SYT6: variants seen among roughly 807,000 people sequenced by gnomAD.
SYT6 encodes synaptotagmin-6.
Under a neutral mutation model 38.4 loss-of-function variants are expected in SYT6, and 24 were observed. That is an observed-to-expected ratio of 0.62 (90% CI 0.45 to 0.88). SYT6 has a LOEUF of 0.88. Ranked by LOEUF, SYT6 falls within the 40% of genes least tolerant of loss-of-function variation. SYT6 has a pLI of 0.00. For synonymous variants in SYT6, 265 were observed against 241.9 expected, an observed-to-expected ratio of 1.10 and a Z score of -0.89; for missense variants, 611 against 621.0, an observed-to-expected ratio of 0.98 and a Z score of 0.17.
intron 6 of SYT6, among the ~76,000 whole-genome samples, chr1:114,096,419 G>T (rs1675644742): frequency 6.6e-6 from 1 of 152,196 alleles, no homozygotes; most frequent in South Asian, 2.1e-4. Context: ...ATCTCTTGAT[G>T]CTGCCCCAAA....
intron 7 of SYT6, among the ~76,000 whole-genome samples, chr1:114,092,338 C>CTCTCTCTGTGTGTG (rs991723002): frequency 7.8e-6 from 1 of 128,488 alleles, no homozygotes; most frequent in Admixed American, 8.9e-5. Flanking sequence ...CTCTCTCTCT[C>CTCTCTCTGTGTGTG]TGTGTGTGTG....
At chr1:114,150,589 C>G (rs907828354) in intron 1 of SYT6, among the ~76,000 whole-genome samples, 2 of 152,190 alleles carry the variant, frequency 1.3e-5, no homozygotes, top group Non-Finnish European at 1.5e-5. Context: ...TGCTGGAGCA[C>G]TTCTGGACCT....
chr1:114,115,825 CAT>C (rs1269067115), intron 3 of SYT6, among the ~76,000 whole-genome samples: 2 of 152,098 alleles, frequency 1.3e-5, no homozygotes, highest in Admixed American at 6.5e-5. Flanking sequence ...CCTAGGGTCT[CAT>C]GTGCTAAGCT....
chr1:114,147,614 C>T (rs1219301628), intron 1 of SYT6, among the ~76,000 whole-genome samples: 1 of 152,204 alleles, frequency 6.6e-6, no homozygotes, highest in African/African-American at 2.4e-5. Context: ...CTCACAGGTG[C>T]TCAGACACAG....
chr1:114,098,663 T>C (rs367948151), intron 5 of SYT6, among the ~76,000 whole-genome samples: 2 of 152,272 alleles, frequency 1.3e-5, no homozygotes, highest in East Asian at 3.9e-4. Flanking sequence ...AGATGTGTCC[T>C]TAGTATGTTG....
At chr1:114,150,402 G>A (rs917049002) in intron 1 of SYT6, among the ~76,000 whole-genome samples, 14 of 152,152 alleles carry the variant, frequency 9.2e-5, no homozygotes, top group Admixed American at 4.6e-4. Flanking sequence ...GGTTCTAAAG[G>A]ATTGTGCATT....
At position 114,115,203 on chromosome 1, in the gene SYT6, T is replaced by C. The variant is rs1435890393; in HGVS notation, c.1072-11482A>G. On this transcript the variant is annotated intron_variant, in intron 3 of 7. Coordinates refer to ENST00000610222, the MANE Select transcript of SYT6 (RefSeq NM_001253772.2). Reference sequence around the variant, plus strand: ...ACCAGAAGGCAGGGCCAATAATCTATGTTTAACATGCCCCAGGGAAGTCTC... The same window carrying C: ...ACCAGAAGGCAGGGCCAATAATCTACGTTTAACATGCCCCAGGGAAGTCTC... Among the ~76,000 whole-genome samples, 12 of 152,342 alleles carry C rather than the reference T, an allele frequency of 7.9e-5. No individual in the cohort carries two copies. In the East Asian group the frequency reaches 2.1e-3, roughly 27 times the overall value.
Position 114,139,827 on chromosome 1 carries a change from A to G in SYT6, c.300T>C (p.Asn100=). The G allele has an allele frequency of 1.9e-6, 3 of 1,601,076 alleles. No individual in the cohort carries two copies. The highest frequency in any genetic ancestry group is 2.6e-6 in the Non-Finnish European group (3 of 1,173,090). The change falls in exon 2 of 8, where the codon AAT becomes AAC. Residue 100 remains asparagine, a synonymous_variant. Coordinates refer to ENST00000610222, the MANE Select transcript of SYT6 (RefSeq NM_001253772.2). ...NKEASSPSSA[N]PPLEALQSPS... Reference sequence around the variant, plus strand: ...GGCTCTGGAGGGCTTCCAAGGGGGGATTAGCAGAAGAGGGACTGGAGGCCT... The same window carrying G: ...GGCTCTGGAGGGCTTCCAAGGGGGGGTTAGCAGAAGAGGGACTGGAGGCCT...
intron 6 of SYT6, among the ~76,000 whole-genome samples, chr1:114,095,786 G>A (rs964752956): frequency 6.6e-6 from 1 of 151,966 alleles, no homozygotes; most frequent in Non-Finnish European, 1.5e-5. Context: ...TCAGCCTCCA[G>A]AGTAGCTGGG....
intron 3 of SYT6, 84 bp downstream of exon 3, chr1:114,137,411 C>T (rs1230608954): frequency 6.8e-7 from 1 of 1,480,114 alleles, no homozygotes; most frequent in Non-Finnish European, 9.1e-7. Context: ...CCATTTGTCT[C>T]TAGGAAGTGA....
At chr1:114,109,454 A>G (rs1301937265) in intron 3 of SYT6, among the ~76,000 whole-genome samples, 1 of 152,128 alleles carries the variant, frequency 6.6e-6, no homozygotes, top group African/African-American at 2.4e-5. Flanking sequence ...AAGCTTAAGT[A>G]CTCCTAAGAG....
chr1:114,131,868 G>A (rs564309179), intron 3 of SYT6, among the ~76,000 whole-genome samples: 2 of 152,334 alleles, frequency 1.3e-5, no homozygotes, highest in Non-Finnish European at 2.9e-5. Context: ...TTTGAGATGA[G>A]TGAGAGAACC....
intron 3 of SYT6, among the ~76,000 whole-genome samples, chr1:114,123,885 C>A (rs894303651): frequency 6.6e-6 from 1 of 152,238 alleles, no homozygotes; most frequent in Non-Finnish European, 1.5e-5. Context: ...TCCCTGGCAG[C>A]CCTCTGCCTG....
At chr1:114,104,640 C>T (rs1299762267) in intron 3 of SYT6, among the ~76,000 whole-genome samples, 2 of 151,472 alleles carry the variant, frequency 1.3e-5, no homozygotes, top group African/African-American at 4.9e-5. Context: ...AAGAGGTCAG[C>T]GTTTAGGGTG....
intron 4 of SYT6, among the ~76,000 whole-genome samples, chr1:114,100,770 C>T (rs1205911354): frequency 6.6e-6 from 1 of 152,192 alleles, no homozygotes; most frequent in Non-Finnish European, 1.5e-5. Context: ...GGACATTATT[C>T]AGGTTCAGGT....
At chr1:114,117,422 T>A (rs1184745592) in intron 3 of SYT6, among the ~76,000 whole-genome samples, 1 of 152,182 alleles carries the variant, frequency 6.6e-6, no homozygotes, top group East Asian at 1.9e-4. Context: ...GCCTGCCTGG[T>A]GGGCTGAGGG....
At chr1:114,123,162 G>A (rs1677525047) in intron 3 of SYT6, among the ~76,000 whole-genome samples, 1 of 152,226 alleles carries the variant, frequency 6.6e-6, no homozygotes, top group Admixed American at 6.5e-5. Flanking sequence ...CTCAGCTGGA[G>A]ATGGCTCTGA....
At chr1:114,111,209 A>G (rs1215657318) in intron 3 of SYT6, among the ~76,000 whole-genome samples, 2 of 152,194 alleles carry the variant, frequency 1.3e-5, no homozygotes, top group Non-Finnish European at 1.5e-5. Flanking sequence ...CACTCCAGCC[A>G]TAATAACCAT....
At chr1:114,101,216 A>T (rs905381075) in intron 4 of SYT6, among the ~76,000 whole-genome samples, 1 of 152,176 alleles carries the variant, frequency 6.6e-6, no homozygotes. Context: ...TTCAGTGCAC[A>T]TATTTCCCTT....
Sources: allele counts gnomAD v4.1 joint callset (sites outside exome capture counted in the v4.1 genomes callset), GRCh38; gene constraint gnomAD v4.1.1; transcripts MANE v1.5; gene names NCBI Gene and HGNC (gene_info 2026-07-23, HGNC 2026-07-21).